Variants in RGS7 observed in about 807,000 individuals in gnomAD.
RGS7 encodes the protein regulator of G-protein signaling 7.
Under a neutral mutation model 81.1 loss-of-function variants are expected in RGS7, and 27 were observed. The ratio of observed to expected loss-of-function variants is 0.33; its 90% confidence interval spans 0.25 to 0.46. RGS7 has a LOEUF of 0.46. Among genes scored for constraint, RGS7 ranks in the 20% least tolerant of loss-of-function variants. RGS7 has a pLI of 1.00. For missense variants in RGS7, 396 were observed against 607.4 expected (o/e 0.65, Z 3.66); for synonymous variants, 208 against 207.7 (o/e 1.00, Z -0.01).
At chr1:240,817,294 T>C (rs1461953755) in intron 10 of RGS7, among the ~76,000 whole-genome samples, 1 of 152,184 alleles carries the variant, frequency 6.6e-6, no homozygotes, top group Admixed American at 6.5e-5. Context: ...CACTTTTTCT[T>C]TGGATATGAG....
chr1:241,318,765 C>T (rs1443612844), intron 2 of RGS7, among the ~76,000 whole-genome samples: 1 of 152,168 alleles, frequency 6.6e-6, no homozygotes, highest in African/African-American at 2.4e-5. Flanking sequence ...CATAATCCAC[C>T]ATGCCCAGAC....
At chr1:241,316,354 G>GT (rs1431631368) in intron 2 of RGS7, among the ~76,000 whole-genome samples, 3 of 152,218 alleles carry the variant, frequency 2.0e-5, no homozygotes, top group Admixed American at 6.5e-5. Context: ...CTCCCTGGAG[G>GT]TGGGGGAGCA....
chr1:240,868,851 T>G lies in RGS7; in HGVS notation c.452A>C (p.Glu151Ala), dbSNP rs1663965130. ...TGCTCTCTGCAGCCTGGCCAGGCTC[T>G]CCTGAAAAACATACCCCAGGTGAAG... ...ARLELADYEA[E>A]SLARLQRAFA... The change falls in exon 8 of 19, where the codon GAG becomes GCG. Residue 151 changes from glutamate to alanine, a missense_variant and splice_region_variant. Physicochemically the swap from Glu to Ala is moderately radical, Grantham distance 107. Coordinates refer to ENST00000440928, the MANE Select transcript of RGS7 (RefSeq NM_001364886.1). The surrounding 1 kb of genome is among the most constrained non-coding windows in gnomAD (Gnocchi z 5.1). The G allele has an allele frequency of 6.2e-7, 1 of 1,613,872 alleles. No homozygotes were observed. Among genetic ancestry groups the G allele is most frequent in the Middle Eastern group, 1.6e-4 (1 of 6,062 alleles).
At chr1:241,329,469 C>T (rs1363425164) in intron 2 of RGS7, among the ~76,000 whole-genome samples, 1 of 152,066 alleles carries the variant, frequency 6.6e-6, no homozygotes, top group East Asian at 1.9e-4. Context: ...AGATGGGATA[C>T]CCATCACTAA....
At chr1:241,212,548 G>T (rs2177116) in intron 2 of RGS7, among the ~76,000 whole-genome samples, 43,767 of 152,096 alleles carry the variant, frequency 0.29, 6,985 homozygotes, top group African/African-American at 0.43. Context: ...GGAGGAAAAG[G>T]TGGGCTTACA....
At chr1:241,001,259 C>T (rs1688103343) in intron 3 of RGS7, among the ~76,000 whole-genome samples, 2 of 152,138 alleles carry the variant, frequency 1.3e-5, no homozygotes, top group East Asian at 1.9e-4. Context: ...AGCATCTCTT[C>T]CATCCAGTTT....
rs1287972952 is a variant in RGS7 at position 241,248,559 on chromosome 1, G to T, written c.78+107140C>A. Reference sequence around the variant, plus strand: ...TGGCATCTCTGATCTTCGTTACTTTGTCCCTTATCTCTTCCTCATTTCCTG... The same window carrying T: ...TGGCATCTCTGATCTTCGTTACTTTTTCCCTTATCTCTTCCTCATTTCCTG... On this transcript the variant is annotated intron_variant, in intron 2 of 18. Transcript: ENST00000440928. Among the ~76,000 whole-genome samples, 5 of 151,752 alleles carry T rather than the reference G, an allele frequency of 3.3e-5. No homozygotes were observed. The East Asian group carries it at 9.7e-4, about 29-fold the overall frequency.
intron 2 of RGS7, among the ~76,000 whole-genome samples, chr1:241,220,974 G>GAAGAAAGAAAGAAAGAGAGAGAGA (rs1558202866): frequency 5.3e-5 from 4 of 75,808 alleles, no homozygotes; most frequent in African/African-American, 1.3e-4. Context: ...AGGAAGGAAG[G>GAAGAAAGAAAGAAAGAGAGAGAGA]AAGGAAGGAA....
At chr1:240,790,404 C>A (rs1685788874) in intron 18 of RGS7, among the ~76,000 whole-genome samples, 2 of 152,114 alleles carry the variant, frequency 1.3e-5, no homozygotes, top group South Asian at 4.1e-4. Flanking sequence ...CCCCACAACC[C>A]CTTGCCTCAG....
intron 9 of RGS7, among the ~76,000 whole-genome samples, chr1:240,836,517 G>A (rs1315845532): frequency 6.6e-6 from 1 of 152,170 alleles, no homozygotes; most frequent in Non-Finnish European, 1.5e-5. Context: ...GCATGCTGAA[G>A]GAAACAGAAT....
intron 4 of RGS7, among the ~76,000 whole-genome samples, chr1:240,970,009 T>C (rs960762300): frequency 2.6e-5 from 4 of 152,372 alleles, no homozygotes; most frequent in Non-Finnish European, 4.4e-5. Context: ...GAATAATATA[T>C]ATCAAGTTCT....
chr1:240,851,599 G>C (rs1660110417), intron 9 of RGS7, among the ~76,000 whole-genome samples: 1 of 152,186 alleles, frequency 6.6e-6, no homozygotes, highest in Non-Finnish European at 1.5e-5. Context: ...TAGATGATCA[G>C]ATTCCTCTGA....
At chr1:241,291,472 C>T (rs147994445) in intron 2 of RGS7, among the ~76,000 whole-genome samples, 229 of 151,228 alleles carry the variant, frequency 1.5e-3, no homozygotes, top group African/African-American at 5.0e-3. Context: ...AGTATATTGT[C>T]CAGATATACT....
At chr1:241,096,708 TTGAGA>T (rs2064281604) in intron 3 of RGS7, among the ~76,000 whole-genome samples, 1 of 152,216 alleles carries the variant, frequency 6.6e-6, no homozygotes, top group Non-Finnish European at 1.5e-5. Flanking sequence ...CAGCTTGCTG[TTGAGA>T]TATTTGCTAT....
intron 6 of RGS7, among the ~76,000 whole-genome samples, chr1:240,896,634 C>T (rs145175539): frequency 0.13 from 19,424 of 152,090 alleles, 1,353 homozygotes; most frequent in Middle Eastern, 0.18. Flanking sequence ...TTCTGTTCCA[C>T]TGGTCTATAT....
chr1:241,112,610 A>G (rs1289187710), intron 2 of RGS7, among the ~76,000 whole-genome samples: 1 of 152,178 alleles, frequency 6.6e-6, no homozygotes, highest in African/African-American at 2.4e-5. Flanking sequence ...AAAGTTTTAA[A>G]GTGGTTTCTG....
At chr1:241,264,423 G>A (rs1010065644) in intron 2 of RGS7, among the ~76,000 whole-genome samples, 5 of 152,288 alleles carry the variant, frequency 3.3e-5, no homozygotes, top group Non-Finnish European at 7.3e-5. Context: ...CTTGAACCTG[G>A]GAGGCGGAGG....
At chr1:241,121,676 A>G (rs1055470567) in intron 2 of RGS7, among the ~76,000 whole-genome samples, 4 of 139,264 alleles carry the variant, frequency 2.9e-5, no homozygotes, top group African/African-American at 1.1e-4. Context: ...GAGTTTATAT[A>G]TATGCTAGTC....
intron 6 of RGS7, among the ~76,000 whole-genome samples, chr1:240,927,839 T>C (rs1320012510): frequency 6.6e-6 from 1 of 152,172 alleles, no homozygotes; most frequent in Non-Finnish European, 1.5e-5. Context: ...TTACTGTAAG[T>C]AGCAAGTATT....
Sources: allele counts gnomAD v4.1 joint callset (sites outside exome capture counted in the v4.1 genomes callset), GRCh38; gene constraint gnomAD v4.1.1; non-coding constraint Gnocchi (gnomAD v3.1); transcripts MANE v1.5; gene names NCBI Gene and HGNC (gene_info 2026-07-23, HGNC 2026-07-21).